PARP12: variants seen among roughly 807,000 people sequenced by gnomAD.
The protein encoded by PARP12 is protein mono-ADP-ribosyltransferase PARP12.
In PARP12, 59 loss-of-function variants were observed where a neutral mutation model predicts 72.4. That is an observed-to-expected ratio of 0.81 (90% CI 0.66 to 1.01). The LOEUF (loss-of-function observed/expected upper bound fraction) is 1.01, where lower values mean the gene tolerates loss of function less well. Among genes scored for constraint, PARP12 ranks in the 50% least tolerant of loss-of-function variants. The pLI is 0.00. For missense variants in PARP12, 851 were observed against 914.0 expected, an observed-to-expected ratio of 0.93 and a Z score of 0.89; for synonymous variants, 403 against 371.4, an observed-to-expected ratio of 1.09 and a Z score of -0.98.
At chr7:140,051,602 G>A (rs1816964608) in intron 4 of PARP12, among the ~76,000 whole-genome samples, 2 of 152,014 alleles carry the variant, frequency 1.3e-5, no homozygotes, top group Admixed American at 6.5e-5. Flanking sequence ...TGTTGGCCAG[G>A]CGGGTCTCAA....
intron 1 of PARP12, 58 bp downstream of exon 1, chr7:140,062,464 A>C (rs962503566): frequency 6.8e-7 from 1 of 1,471,010 alleles, no homozygotes; most frequent in Non-Finnish European, 9.0e-7. Context: ...AGCGGGCTGG[A>C]AGTGCGTGAG....
chr7:140,027,558 G>T, intron 9 of PARP12, 152 bp from the exon 10 acceptor site: 1 of 833,704 alleles, frequency 1.2e-6, no homozygotes, highest in Non-Finnish European at 1.8e-6. Context: ...CCAGGCACAG[G>T]AGACAATCGG....
intron 4 of PARP12, 136 bp from the exon 5 acceptor site, chr7:140,047,143 T>C: frequency 1.1e-6 from 1 of 949,582 alleles, no homozygotes; most frequent in Non-Finnish European, 1.5e-6. Flanking sequence ...GTTTTTTCAG[T>C]GCCGGCATGC....
chr7:140,036,079 G>A (rs1238317904), intron 7 of PARP12, among the ~76,000 whole-genome samples: 1 of 149,164 alleles, frequency 6.7e-6, no homozygotes, highest in East Asian at 2.0e-4. Context: ...AGGAGAAGGA[G>A]GAGAAGGAGA....
chr7:140,035,896 G>A (rs972434860), intron 7 of PARP12, among the ~76,000 whole-genome samples: 3,295 of 66,474 alleles, frequency 0.05, 460 homozygotes, highest in African/African-American at 0.16. Context: ...AGGAAGAGGA[G>A]GAGGACGAGG....
At chr7:140,029,922 G>A (rs1401195892) in intron 8 of PARP12, among the ~76,000 whole-genome samples, 12 of 152,178 alleles carry the variant, frequency 7.9e-5, no homozygotes, top group African/African-American at 2.7e-4. Flanking sequence ...GTGAGAACTT[G>A]AATATGATCA....
chr7:140,043,354 G>A (rs1238843888), intron 5 of PARP12, among the ~76,000 whole-genome samples: 1 of 152,066 alleles, frequency 6.6e-6, no homozygotes, highest in African/African-American at 2.4e-5. Flanking sequence ...AGATATACGT[G>A]ATATGTTTTT....
At chr7:140,032,795 G>C (rs1455868140) in intron 8 of PARP12, among the ~76,000 whole-genome samples, 1 of 152,166 alleles carries the variant, frequency 6.6e-6, no homozygotes, top group African/African-American at 2.4e-5. Context: ...TTTTTGCAAA[G>C]AGAAACATAA....
At chr7:140,048,551 T>C (rs920911076) in intron 4 of PARP12, among the ~76,000 whole-genome samples, 1 of 152,070 alleles carries the variant, frequency 6.6e-6, no homozygotes, top group African/African-American at 2.4e-5. Context: ...GGCAGGAAGA[T>C]AGAGAACAAG....
At chr7:140,042,962 A>C (rs1253480937) in intron 5 of PARP12, among the ~76,000 whole-genome samples, 10 of 152,178 alleles carry the variant, frequency 6.6e-5, no homozygotes. Flanking sequence ...TTGGGAGGCC[A>C]AGGCAGGTGG....
chr7:140,062,815 G>C lies in PARP12; in HGVS notation c.33C>G (p.Thr11=), dbSNP rs1287422918. 11 of 1,411,260 alleles carry C rather than the reference G, an allele frequency of 7.8e-6. No individual in the cohort carries two copies. Among genetic ancestry groups the C allele is most frequent in the Non-Finnish European group, 9.3e-6 (10 of 1,080,854 alleles). 87.4% of individuals were successfully genotyped at this position (1,411,260 alleles called of 1,614,324 possible). A position where few individuals can be genotyped will look rare whatever the true frequency, so the allele number is the denominator to read the frequency against. Reference sequence around the variant, plus strand: ...CGCCCCCGGCCGCGCACAGCACCTGGGTGACCTCACCGACGACGCCGGCCT... The same window carrying C: ...CGCCCCCGGCCGCGCACAGCACCTGCGTGACCTCACCGACGACGCCGGCCT... MAQAGVVGEV[T]QVLCAAGGAL... is the part of the protein sequence containing the mutation. The change falls in exon 1 of 12, where the codon ACC becomes ACG. Residue 11 remains threonine (T), a synonymous_variant. Coordinates refer to ENST00000263549, the MANE Select transcript of PARP12 (RefSeq NM_022750.4).
In PARP12 at chr7:140,034,240, T is replaced by C; in HGVS notation, c.1416A>G (p.Gln472=). The change falls in exon 8 of 12, where the codon CAA becomes CAG. Residue 472 remains glutamine, a synonymous_variant. Transcript: ENST00000263549. ...AGCCCCCCACTGCAACCTACCAGGTTTGCATGGTCGTCACATCCTGGGGAG... is the reference window on the plus strand; with the variant it reads ...AGCCCCCCACTGCAACCTACCAGGTCTGCATGGTCGTCACATCCTGGGGAG... The part of the protein sequence containing the change: ...YVSPQDVTTM[Q]TCNTKFPGPK... 1 of 1,612,702 alleles carries C rather than the reference T, an allele frequency of 6.2e-7. No homozygotes were observed. Among genetic ancestry groups the C allele is most frequent in the Non-Finnish European group, 8.5e-7 (1 of 1,179,136 alleles).
At position 140,024,250 on chromosome 7, in the gene PARP12, G is replaced by A; in HGVS notation, c.*310C>T. Reference sequence around the variant, plus strand: ...AAAATTAAAACCAATCCATAAAATTGTATCTAGAAACTCTGTCCCTGGTGC... The same window carrying A: ...AAAATTAAAACCAATCCATAAAATTATATCTAGAAACTCTGTCCCTGGTGC... On this transcript the variant is annotated 3_prime_UTR_variant, in exon 12 of 12. Coordinates refer to ENST00000263549, the MANE Select transcript of PARP12 (RefSeq NM_022750.4). The A allele has an allele frequency of 2.6e-6, 1 of 378,586 alleles. No homozygotes were observed. The highest frequency in any genetic ancestry group is 2.3e-5 in the South Asian group (1 of 42,638). 23.5% of individuals were successfully genotyped at this position (378,586 alleles called of 1,614,324 possible).
intron 11 of PARP12, 58 bp from the exon 12 acceptor site, chr7:140,024,943 C>A: frequency 6.6e-7 from 1 of 1,516,000 alleles, no homozygotes; most frequent in East Asian, 2.3e-5. Context: ...GAAGGGTCAG[C>A]ACACTGCGAA....
chr7:140,048,680 CAA>C (rs1816835321), intron 4 of PARP12, among the ~76,000 whole-genome samples: 1 of 152,214 alleles, frequency 6.6e-6, no homozygotes, highest in African/African-American at 2.4e-5. Context: ...TAACTGGAGA[CAA>C]AGTTATAAGC....
chr7:140,059,007 A>G (rs754500614), intron 1 of PARP12, among the ~76,000 whole-genome samples: 2 of 151,942 alleles, frequency 1.3e-5, no homozygotes, highest in Non-Finnish European at 2.9e-5. Flanking sequence ...AGGCAGGACA[A>G]TCGCTTGAAC....
At chr7:140,034,753 G>A (rs1307296172) in intron 7 of PARP12, 1 of 162,006 alleles carries the variant, frequency 6.2e-6, no homozygotes, top group Non-Finnish European at 1.3e-5. Flanking sequence ...TTAAACTATG[G>A]CAGTATTCAT....
At chr7:140,034,545 G>A (rs1032218193) in intron 7 of PARP12, 2 of 369,448 alleles carry the variant, frequency 5.4e-6, no homozygotes, top group Non-Finnish European at 1.0e-5. Context: ...ATGAATAGAG[G>A]AATGATTAGT....
In PARP12 at chr7:140,024,603, G is replaced by A. The variant is rs1267428561; in HGVS notation, c.2063C>T (p.Ser688Phe). ...TTSSKPSVTPSILLALGSLFS... is the reference protein window; with the variant it reads ...TTSSKPSVTPFILLALGSLFS... Reference sequence around the variant, plus strand: ...CAGGGAGCCCAAGGCCAGCAGGATGGAGGGTGTGACCGAGGGCTTGGAGGA... The same window carrying A: ...CAGGGAGCCCAAGGCCAGCAGGATGAAGGGTGTGACCGAGGGCTTGGAGGA... Residue 688 changes from serine (S) to phenylalanine (F), a missense_variant, in exon 12 of 12, where the codon TCC (serine) becomes TTC (phenylalanine). Transcript: ENST00000263549. The A allele has an allele frequency of 1.2e-6, 2 of 1,614,232 alleles. No homozygotes were observed. Among genetic ancestry groups the A allele is most frequent in the Non-Finnish European group, 1.7e-6 (2 of 1,180,046 alleles).
Sources: gnomAD v4.1 joint callset for allele counts (sites outside exome capture counted in the v4.1 genomes callset) on GRCh38, gnomAD v4.1.1 for gene constraint, MANE v1.5 for transcripts, NCBI Gene and HGNC (gene_info 2026-07-23, HGNC 2026-07-21) for gene names.